The following BCAT2 variants were observed in gnomAD, a reference collection of about 807,000 sequenced individuals.
The protein encoded by BCAT2 is branched-chain-amino-acid aminotransferase, mitochondrial.
A neutral mutation model predicts 52.9 loss-of-function variants in BCAT2; 44 were observed. That is an observed-to-expected ratio of 0.83 (90% CI 0.65 to 1.07). The LOEUF is 1.07. BCAT2 is among the 50% of genes least tolerant of loss of function. The probability of loss-of-function intolerance (pLI) is 0.00; values close to 1 mark genes in which losing one functional copy is unlikely to be tolerated. For synonymous variants in BCAT2, 215 were observed against 217.1 expected (o/e 0.99, Z 0.08); for missense variants, 478 against 521.8 (o/e 0.92, Z 0.82).
chr19:48,810,864 A>G, intron 1 of BCAT2, 120 bp downstream of exon 1: 1 of 1,529,826 alleles, frequency 6.5e-7, no homozygotes, highest in South Asian at 1.2e-5. Flanking sequence ...CGCGCCCTGC[A>G]GCGGAACCCC....
rs765342460 is a variant in BCAT2, at chr19:48,798,093, C to T, written c.696-760G>A. ...TTACTTTTTATATTTTTAGTAGAGA[C>T]GGGGTTTCACCATGTTGGCCAGGCT... On this transcript the variant is annotated intron_variant, in intron 6 of 10. Coordinates refer to ENST00000316273, the MANE Select transcript of BCAT2 (RefSeq NM_001190.4). Among the ~76,000 whole-genome samples the T allele has an allele frequency of 5.6e-4, 85 of 152,086 alleles. 1 individual carries two copies. Among genetic ancestry groups the T allele is most frequent in the Admixed American group, 1.3e-3 (20 of 15,236 alleles).
In BCAT2 at chr19:48,807,108, T is replaced by G. The variant is rs750581815; in HGVS notation, c.25-34A>C. The G allele has an allele frequency of 4.3e-5, 68 of 1,584,486 alleles. No homozygotes were observed. The highest frequency in any genetic ancestry group is 5.2e-5 in the Non-Finnish European group (60 of 1,157,640). On this transcript the variant is annotated intron_variant, in intron 1 of 10. Transcript: ENST00000316273. The surrounding 1 kb of genome is among the most constrained non-coding windows in gnomAD (Gnocchi z 4.6). ...AGAAAGAAGTGAGAGAGGGGGTGAG[T>G]GGGGCACAGCAGGGGCCCTGGCAGC...
At chr19:48,796,175 C>T in intron 10 of BCAT2, 1 of 554,264 alleles carries the variant, frequency 1.8e-6, no homozygotes, top group South Asian at 2.6e-5. Context: ...CAGAGGATCA[C>T]AGGAAGGGGT....
intron 6 of BCAT2, 182 bp from the exon 7 acceptor site, chr19:48,797,515 T>G: frequency 1.5e-6 from 1 of 654,030 alleles, no homozygotes; most frequent in East Asian, 2.8e-5. Context: ...AATGGTTATG[T>G]CCCCTCTCTC....
At chr19:48,808,131 G>A in intron 1 of BCAT2, 1 of 987,102 alleles carries the variant, frequency 1.0e-6, no homozygotes, top group Non-Finnish European at 1.2e-6. Context: ...CTGCAGCGTG[G>A]TCTTGCTGGT....
intron 3 of BCAT2, among the ~76,000 whole-genome samples, chr19:48,802,155 C>T (rs2034670858): frequency 6.6e-6 from 1 of 152,004 alleles, no homozygotes; most frequent in Admixed American, 6.6e-5. Flanking sequence ...TAGTCAATTT[C>T]ATTAATCACT....
In BCAT2 at chr19:48,800,236, C is replaced by A; in HGVS notation, c.362G>T (p.Trp121Leu). ...KDQQVRLFRP[W>L]LNMDRMLRSA... is the part of the protein sequence containing the mutation. The stretch of plus-strand genomic sequence containing the variant: ...GCGCAGCATCCGGTCCATGTTGAGC[C>A]AGGGGCGGAAGAGGCGCACCTGCTG... Residue 121 changes from tryptophan to leucine, a missense_variant, in exon 4 of 11, where the codon TGG becomes TTG. By Grantham distance (61) the Trp-to-Leu change is moderately conservative (BLOSUM62 -2). Transcript: ENST00000316273. 6.2e-7 allele frequency: 1 copy of A among 1,613,902 alleles called. No individual in the cohort carries two copies. Among genetic ancestry groups the A allele is most frequent in the East Asian group, 2.2e-5 (1 of 44,876 alleles).
intron 2 of BCAT2, 125 bp downstream of exon 2, chr19:48,806,875 A>C (rs762001237): frequency 7.1e-7 from 1 of 1,403,440 alleles, no homozygotes; most frequent in Admixed American, 1.8e-5. Flanking sequence ...CTGCGGCCCA[A>C]TGGCAGGCTG....
intron 6 of BCAT2, 152 bp from the exon 7 acceptor site, chr19:48,797,485 C>T: frequency 1.1e-6 from 1 of 904,968 alleles, no homozygotes; most frequent in South Asian, 1.7e-5. Flanking sequence ...CTTGACTTTT[C>T]ATTTGGCATC....
chr19:48,806,639 T>C lies in BCAT2; in HGVS notation c.178A>G (p.Thr60Ala), dbSNP rs1396506455. The C allele has an allele frequency of 6.2e-7, 1 of 1,614,154 alleles. No homozygotes were observed. The highest frequency in any genetic ancestry group is 1.3e-5 in the African/African-American group (1 of 75,046). Residue 60 changes from threonine to alanine, a missense_variant, in exon 3 of 11, where the codon ACA becomes GCA. Coordinates refer to ENST00000316273, the MANE Select transcript of BCAT2 (RefSeq NM_001190.4). ...ACCATCAGCATGTGGTCGGTAAATG[T>C]CTTCCCAAACACCAGGGGCTCGCCG... ...GPGEPLVFGK[T>A]FTDHMLMVEW...
At position 48,795,237 on chromosome 19, in the gene BCAT2, G is replaced by A; in HGVS notation, c.*189C>T. The A allele has an allele frequency of 1.5e-6, 1 of 682,978 alleles. No individual in the cohort carries two copies. Among genetic ancestry groups the A allele is most frequent in the East Asian group, 2.7e-5 (1 of 36,740 alleles). 42.3% of individuals were successfully genotyped at this position (682,978 alleles called of 1,614,324 possible). A position where few individuals can be genotyped will look rare whatever the true frequency, so the allele number is the denominator to read the frequency against. On this transcript the variant is annotated 3_prime_UTR_variant, in exon 11 of 11. Coordinates refer to ENST00000316273, the MANE Select transcript of BCAT2 (RefSeq NM_001190.4). ...ACCTGAACCCGCGACGAGGGGCTGG[G>A]GGCCAAGATGCCTGGGTCGGCCCTT...
At chr19:48,798,559 T>C (rs1192138365) in intron 6 of BCAT2, among the ~76,000 whole-genome samples, 2 of 152,202 alleles carry the variant, frequency 1.3e-5, no homozygotes, top group Non-Finnish European at 2.9e-5. Flanking sequence ...TGCTGACTTT[T>C]GTACCCAGGA....
At chr19:48,809,113 C>T (rs1384112758) in intron 1 of BCAT2, among the ~76,000 whole-genome samples, 2 of 136,982 alleles carry the variant, frequency 1.5e-5, no homozygotes, top group African/African-American at 2.8e-5. Flanking sequence ...CATGGTGGCT[C>T]ATGCCTGTAA....
intron 3 of BCAT2, among the ~76,000 whole-genome samples, chr19:48,803,602 C>T (rs1323563329): frequency 6.6e-6 from 1 of 152,112 alleles, no homozygotes; most frequent in East Asian, 1.9e-4. Flanking sequence ...AATCCCAGCA[C>T]TTTGGGAGGC....
intron 1 of BCAT2, chr19:48,810,736 CTTTT>C (rs35945446): frequency 0.022 from 15,923 of 711,082 alleles, no homozygotes; most frequent in South Asian, 0.041. Flanking sequence ...CCATGTTTCC[CTTTT>C]TTTTTTTTTT....
intron 3 of BCAT2, among the ~76,000 whole-genome samples, chr19:48,804,909 G>A (rs1442331684): frequency 1.3e-5 from 2 of 152,102 alleles, no homozygotes; most frequent in Non-Finnish European, 2.9e-5. Context: ...GATTGGAGGT[G>A]TGTGTGCTCT....
intron 3 of BCAT2, among the ~76,000 whole-genome samples, chr19:48,801,255 T>C (rs2034651940): frequency 1.3e-5 from 2 of 151,020 alleles, no homozygotes; most frequent in Non-Finnish European, 3.0e-5. Flanking sequence ...TTTTTTCCCA[T>C]AGTGGGTTTT....
Position 48,795,101 on chromosome 19 carries a change from G to A in BCAT2, c.*325C>T. 3 of 427,480 alleles carry A rather than the reference G, an allele frequency of 7.0e-6. No homozygotes were observed. The highest frequency in any genetic ancestry group is 3.5e-5 in the South Asian group (1 of 28,908). The allele number at this position is 427,480 out of a possible 1,614,324, so 26.5% of individuals were successfully genotyped here. On this transcript the variant is annotated 3_prime_UTR_variant, in exon 11 of 11. Coordinates refer to ENST00000316273, the MANE Select transcript of BCAT2 (RefSeq NM_001190.4). ...CATTTTATTTCAAAATTGCAGCAAAGACAGAGAAAAAAAAATCAACGGCAG... is the reference window on the plus strand; with the variant it reads ...CATTTTATTTCAAAATTGCAGCAAAAACAGAGAAAAAAAAATCAACGGCAG...
chr19:48,806,843 G>A, intron 2 of BCAT2, 126 bp from the exon 3 acceptor site: 3 of 1,400,102 alleles, frequency 2.1e-6, no homozygotes, highest in East Asian at 2.4e-5. Context: ...AGGATTCTGG[G>A]ACATGCAGTT....
Sources: gnomAD v4.1 joint callset for allele counts (sites outside exome capture counted in the v4.1 genomes callset) on GRCh38, gnomAD v4.1.1 for gene constraint, Gnocchi (gnomAD v3.1) non-coding constraint, MANE v1.5 for transcripts, NCBI Gene and HGNC (gene_info 2026-07-23, HGNC 2026-07-21) for gene names.